RBFOX1: variants seen among roughly 807,000 people sequenced by gnomAD.
RBFOX1 encodes the protein RNA binding fox-1 homolog 1.
In RBFOX1, 8 loss-of-function variants were observed where a neutral mutation model predicts 57.7. That is an observed-to-expected ratio of 0.14 (90% CI 0.08 to 0.25). The LOEUF is 0.25. Ranked by LOEUF, RBFOX1 falls within the 10% of genes least tolerant of loss-of-function variation. RBFOX1 has a pLI of 1.00. For missense variants in RBFOX1, 611 were observed against 548.5 expected (o/e 1.11, Z -1.14); for synonymous variants, 326 against 222.4 (o/e 1.47, Z -4.15).
At chr16:6,966,055 C>G (rs9788856) in intron 3 of RBFOX1, among the ~76,000 whole-genome samples, 1 of 151,986 alleles carries the variant, frequency 6.6e-6, no homozygotes, top group Non-Finnish European at 1.5e-5. Context: ...GAAATAAGAA[C>G]CTGGACTTTG....
intron 2 of RBFOX1, among the ~76,000 whole-genome samples, chr16:6,631,178 G>C (rs2154058409): frequency 6.6e-6 from 1 of 152,184 alleles, no homozygotes; most frequent in South Asian, 2.1e-4. Flanking sequence ...TTGAAATAGA[G>C]CCTCGGAAAT....
At chr16:6,902,717 A>G (rs1195630856) in intron 3 of RBFOX1, among the ~76,000 whole-genome samples, 1 of 152,174 alleles carries the variant, frequency 6.6e-6, no homozygotes, top group Admixed American at 6.5e-5. Context: ...TCAAGACTCC[A>G]TGTAGAGAAC....
intron 3 of RBFOX1, among the ~76,000 whole-genome samples, chr16:6,656,197 C>T (rs1016017824): frequency 3.3e-5 from 5 of 152,152 alleles, no homozygotes; most frequent in South Asian, 2.1e-4. Flanking sequence ...CGAATCATTC[C>T]GCTCATGTCA....
intron 5 of RBFOX1, among the ~76,000 whole-genome samples, chr16:7,559,992 T>C (rs1251007553): frequency 6.6e-6 from 1 of 152,252 alleles, no homozygotes; most frequent in Non-Finnish European, 1.5e-5. Context: ...ATCCTATTTG[T>C]CACCTGTGAA....
intron 3 of RBFOX1, among the ~76,000 whole-genome samples, chr16:6,701,954 G>A (rs1277592751): frequency 6.6e-6 from 1 of 152,062 alleles, no homozygotes; most frequent in Non-Finnish European, 1.5e-5. Flanking sequence ...GAGGATGGAG[G>A]GTGGGAGGAG....
chr16:6,796,899 T>A (rs1269135070), intron 3 of RBFOX1, among the ~76,000 whole-genome samples: 2 of 152,190 alleles, frequency 1.3e-5, no homozygotes, highest in Non-Finnish European at 2.9e-5. Context: ...AATGTACCTA[T>A]GTCTCCACCC....
chr16:6,460,394 G>A (rs971906991), intron 2 of RBFOX1, among the ~76,000 whole-genome samples: 1 of 151,174 alleles, frequency 6.6e-6, no homozygotes, highest in African/African-American at 2.4e-5. Context: ...GGAACTTAAG[G>A]AAATTTACAA....
intron 4 of RBFOX1, among the ~76,000 whole-genome samples, chr16:7,134,930 T>G (rs529144151): frequency 1.9e-3 from 292 of 152,230 alleles, no homozygotes; most frequent in African/African-American, 6.8e-3. Context: ...ATTTATCTTT[T>G]TTTTTTTTCA....
chr16:5,834,500 T>G (rs1654517662), intron 3 of RBFOX1, among the ~76,000 whole-genome samples: 1 of 152,152 alleles, frequency 6.6e-6, no homozygotes, highest in Non-Finnish European at 1.5e-5. Context: ...TATCCACTCA[T>G]CTGTTGATGG....
At chr16:5,604,828 T>G (rs2047509168), downstream of RBFOX1, among the ~76,000 whole-genome samples, 1 of 152,136 alleles carries the variant, frequency 6.6e-6, no homozygotes, top group Non-Finnish European at 1.5e-5. Context: ...TGTTTGACCC[T>G]CCAGACTTCC....
chr16:6,498,124 T>G (rs1303092405), intron 2 of RBFOX1, among the ~76,000 whole-genome samples: 1 of 151,842 alleles, frequency 6.6e-6, no homozygotes, highest in African/African-American at 2.4e-5. Context: ...TGGTGGTACG[T>G]GCCTGTAGTC....
intron 4 of RBFOX1, among the ~76,000 whole-genome samples, chr16:7,257,486 A>AC (rs34162477): frequency 4.0e-5 from 6 of 150,624 alleles, no homozygotes; most frequent in Non-Finnish European, 8.9e-5. Context: ...TGTCAGCCAT[A>AC]CCCCCCGGGT....
chr16:5,384,386 A>C (rs2066205384), intron 1 of RBFOX1, among the ~76,000 whole-genome samples: 1 of 152,210 alleles, frequency 6.6e-6, no homozygotes, highest in Non-Finnish European at 1.5e-5. Context: ...GTTCTCCTAA[A>C]GTTGAAAGAA....
chr16:7,075,975 C>G (rs926514410), intron 4 of RBFOX1, among the ~76,000 whole-genome samples: 2 of 151,848 alleles, frequency 1.3e-5, no homozygotes, highest in Non-Finnish European at 2.9e-5. Flanking sequence ...CGTCCTTGCA[C>G]TTCCCTATTA....
intron 1 of RBFOX1, among the ~76,000 whole-genome samples, chr16:6,046,375 G>C (rs2095495463): frequency 6.6e-6 from 1 of 152,166 alleles, no homozygotes; most frequent in Non-Finnish European, 1.5e-5. Context: ...GGGGAGGATA[G>C]CTGAAGATCT....
In RBFOX1 at chr16:7,653,967, G is replaced by A; in HGVS notation, c.890+20G>A. 4 of 1,481,996 alleles carry A rather than the reference G, an allele frequency of 2.7e-6. No homozygotes were observed. Among genetic ancestry groups the A allele is most frequent in the Non-Finnish European group, 3.6e-6 (4 of 1,123,448 alleles). 91.8% of individuals were successfully genotyped at this position (1,481,996 alleles called of 1,614,324 possible). On this transcript the variant is annotated intron_variant, in intron 12 of 15. Transcript: ENST00000550418. ...CGGCGGGTAAGTGGGGCAGCCTCCT[G>A]GGTGGGCCTCCCTGCACCAGCCCTC...
intron 2 of RBFOX1, among the ~76,000 whole-genome samples, chr16:6,465,779 C>A (rs956535006): frequency 2.6e-5 from 4 of 151,564 alleles, no homozygotes; most frequent in African/African-American, 9.7e-5. Context: ...TACTATATGG[C>A]TCTTTGCAGG....
intron 3 of RBFOX1, among the ~76,000 whole-genome samples, chr16:6,727,659 G>A (rs1016797552): frequency 2.0e-5 from 3 of 152,042 alleles, no homozygotes; most frequent in Non-Finnish European, 4.4e-5. Flanking sequence ...CTTCCTTAAG[G>A]TAGAAATGAG....
chr16:7,377,459 A>G (rs74010694), intron 4 of RBFOX1, among the ~76,000 whole-genome samples: 2,426 of 152,346 alleles, frequency 0.016, 63 homozygotes, highest in African/African-American at 0.053. Flanking sequence ...GATATATTCA[A>G]TATGACAGCT....
Sources: allele counts gnomAD v4.1 joint callset (sites outside exome capture counted in the v4.1 genomes callset), GRCh38; gene constraint gnomAD v4.1.1; transcripts MANE v1.5; gene names NCBI Gene and HGNC (gene_info 2026-07-23, HGNC 2026-07-21).